The following TMEM161B variants were observed in gnomAD, a reference collection of about 807,000 sequenced individuals.
TMEM161B encodes transmembrane protein 161B.
Under a neutral mutation model 61.8 loss-of-function variants are expected in TMEM161B, and 34 were observed. That is an observed-to-expected ratio of 0.55 (90% CI 0.42 to 0.73). The LOEUF is 0.73. Among genes scored for constraint, TMEM161B ranks in the 30% least tolerant of loss-of-function variants. The probability of loss-of-function intolerance (pLI) is 0.00; values close to 1 mark genes in which losing one functional copy is unlikely to be tolerated. For synonymous variants in TMEM161B, 167 were observed against 192.8 expected, an observed-to-expected ratio of 0.87 and a Z score of 1.11; for missense variants, 456 against 558.5, an observed-to-expected ratio of 0.82 and a Z score of 1.85.
At chr5:88,220,823 T>C in intron 4 of TMEM161B, 104 bp from the exon 5 acceptor site, 13 of 1,337,048 alleles carry the variant, frequency 9.7e-6, no homozygotes, top group East Asian at 2.8e-5. Flanking sequence ...TAAAATACGC[T>C]AGACTTTATT....
At chr5:88,207,452 T>TAA (rs1206149662) in intron 5 of TMEM161B, among the ~76,000 whole-genome samples, 8 of 152,150 alleles carry the variant, frequency 5.3e-5, no homozygotes, top group African/African-American at 1.9e-4. Flanking sequence ...AGGGTAGAGG[T>TAA]TATTCTAGAG....
At chr5:88,190,606 G>T (rs983820854), downstream of TMEM161B, among the ~76,000 whole-genome samples, 18 of 152,322 alleles carry the variant, frequency 1.2e-4, no homozygotes, top group African/African-American at 3.8e-4. Context: ...GTCAGTGCGG[G>T]AATTCCCCAA....
intron 5 of TMEM161B, among the ~76,000 whole-genome samples, chr5:88,213,982 A>G (rs566015217): frequency 6.6e-6 from 1 of 152,294 alleles, no homozygotes; most frequent in Admixed American, 6.5e-5. Flanking sequence ...TAAATAAAAG[A>G]ATATAGTTAA....
At chr5:88,197,176 G>A (rs1336809446) in intron 11 of TMEM161B, among the ~76,000 whole-genome samples, 1 of 152,126 alleles carries the variant, frequency 6.6e-6, no homozygotes, top group Non-Finnish European at 1.5e-5. Flanking sequence ...GACACCTCTT[G>A]AATAACACCA....
rs574060526 is a variant in TMEM161B, at chr5:88,211,635, C to T, written c.447-4455G>A. Among the ~76,000 whole-genome samples the T allele has an allele frequency of 5.8e-3, 877 of 151,022 alleles. 14 individuals carry two copies. Among genetic ancestry groups the T allele is most frequent in the African/African-American group, 0.02 (833 of 40,934 alleles). ...TAGCCGGGCGTGGCGGCGGGCGCGG[C>T]GGCGGGCGCCTGTAATCCCAGCTAA... On this transcript the variant is annotated intron_variant, in intron 5 of 11. Coordinates refer to ENST00000296595, the MANE Select transcript of TMEM161B (RefSeq NM_153354.5).
intron 4 of TMEM161B, among the ~76,000 whole-genome samples, chr5:88,223,116 C>T (rs1291687269): frequency 7.4e-6 from 1 of 134,670 alleles, no homozygotes; most frequent in Non-Finnish European, 1.6e-5. Context: ...GCTAAAGCTA[C>T]AATACCCTAA....
chr5:88,190,314 C>T (rs577126623), downstream of TMEM161B: 291 of 697,702 alleles, frequency 4.2e-4, no homozygotes, highest in Non-Finnish European at 6.2e-4. Context: ...CTGACAAATG[C>T]GAGATGTAGA....
intron 1 of TMEM161B, among the ~76,000 whole-genome samples, chr5:88,260,985 A>T (rs1024899204): frequency 2.0e-5 from 3 of 152,194 alleles, no homozygotes. Context: ...ATCATTGGGT[A>T]AGTGAGTTGT....
chr5:88,207,157 G>C lies in TMEM161B; in HGVS notation c.470C>G (p.Thr157Arg). ...FAIKVLFSLT[T>R]HYFKVEDGGE... ...ACCATCTTCTACTTTAAAATAGTGT[G>C]TAGTTAATGAAAATAGAACTTTGCT... is the stretch of plus-strand genomic sequence containing the variant. The change falls in exon 6 of 12, where the codon ACA becomes AGA. Residue 157 changes from threonine (T) to arginine (R), a missense_variant. Physicochemically the swap from Thr to Arg is moderately conservative, Grantham distance 71 (BLOSUM62 -1). Transcript: ENST00000296595. 1 of 1,609,204 alleles carries C rather than the reference G, an allele frequency of 6.2e-7. No individual in the cohort carries two copies. The highest frequency in any genetic ancestry group is 2.2e-5 in the East Asian group (1 of 44,672).
At chr5:88,266,068 G>A (rs1756337741) in intron 1 of TMEM161B, among the ~76,000 whole-genome samples, 1 of 152,222 alleles carries the variant, frequency 6.6e-6, no homozygotes, top group Admixed American at 6.5e-5. Flanking sequence ...ACAACAACTT[G>A]AAAGCATAAA....
At chr5:88,190,724 C>A (rs1215552719), downstream of TMEM161B, among the ~76,000 whole-genome samples, 1 of 152,140 alleles carries the variant, frequency 6.6e-6, no homozygotes, top group African/African-American at 2.4e-5. Context: ...TATTCTATGT[C>A]TTTTCTGTTT....
At chr5:88,213,313 A>C (rs536503980) in intron 5 of TMEM161B, among the ~76,000 whole-genome samples, 1 of 152,254 alleles carries the variant, frequency 6.6e-6, no homozygotes, top group South Asian at 2.1e-4. Flanking sequence ...TGTTAAAAAA[A>C]ATTTTTTAAC....
chr5:88,245,725 G>A (rs1180906774), intron 1 of TMEM161B, among the ~76,000 whole-genome samples: 3 of 151,888 alleles, frequency 2.0e-5, no homozygotes, highest in Non-Finnish European at 4.4e-5. Flanking sequence ...TGGGGAAGAG[G>A]GCATCTTGCC....
In TMEM161B at chr5:88,206,445, T is replaced by C. The variant is rs753654700; in HGVS notation, c.653A>G (p.Glu218Gly). The C allele has an allele frequency of 6.3e-7, 1 of 1,598,882 alleles. No homozygotes were observed. Among genetic ancestry groups the C allele is most frequent in the Non-Finnish European group, 8.5e-7 (1 of 1,173,566 alleles). The change falls in exon 7 of 12, where the codon GAA becomes GGA. Residue 218 changes from glutamate (E) to glycine (G), a missense_variant. Physicochemically the swap from Glu to Gly is moderately conservative, Grantham distance 98. This residue lies in a region of TMEM161B where 367 missense variants were observed against 427.3 expected (regional missense o/e 0.86). Transcript: ENST00000296595. ...AMQFLEKQGL[E>G]SQSPVSKLTF... is the part of the protein sequence containing the mutation. ...TAATTTTTCAAAAACTTACTGAGAT[T>C]CTAAACCTTGCTTTTCAAGAAACTG...
At chr5:88,191,115 T>A (rs1311592859), downstream of TMEM161B, among the ~76,000 whole-genome samples, 2 of 152,232 alleles carry the variant, frequency 1.3e-5, no homozygotes, top group Non-Finnish European at 2.9e-5. Flanking sequence ...TCATCTATGA[T>A]TATTGCCCTT....
chr5:88,207,326 G>A, intron 5 of TMEM161B, 146 bp from the exon 6 acceptor site: 2 of 712,710 alleles, frequency 2.8e-6, no homozygotes, highest in Non-Finnish European at 4.4e-6. Context: ...AAGGAAAAGA[G>A]CACCCATATA....
chr5:88,224,433 T>C (rs1749612053), intron 4 of TMEM161B, among the ~76,000 whole-genome samples: 1 of 152,206 alleles, frequency 6.6e-6, no homozygotes, highest in Non-Finnish European at 1.5e-5. Context: ...TTCATATTAA[T>C]ATTATTTTAA....
At chr5:88,200,240 G>A (rs192727846) in intron 9 of TMEM161B, 3 of 152,092 alleles carry the variant, frequency 2.0e-5, no homozygotes, top group Admixed American at 2.0e-4. Flanking sequence ...TTTTTATTAA[G>A]TCATGAGGGG....
At chr5:88,244,819 G>A (rs1361326400) in intron 1 of TMEM161B, among the ~76,000 whole-genome samples, 1 of 151,642 alleles carries the variant, frequency 6.6e-6, no homozygotes, top group Non-Finnish European at 1.5e-5. Context: ...TGATTTCTTT[G>A]AGCAGTATTT....
Sources: allele counts gnomAD v4.1 joint callset (sites outside exome capture counted in the v4.1 genomes callset), GRCh38; gene constraint gnomAD v4.1.1; regional missense constraint gnomAD v4.1.1; transcripts MANE v1.5; gene names NCBI Gene and HGNC (gene_info 2026-07-23, HGNC 2026-07-21).